ELMOD1: variants seen among roughly 807,000 people sequenced by gnomAD.
ELMOD1 encodes ELMO domain-containing protein 1.
A neutral mutation model predicts 46.7 loss-of-function variants in ELMOD1; 21 were observed. The observed-to-expected ratio is 0.45, with a 90% CI of 0.32 to 0.65. ELMOD1 has a LOEUF of 0.65. Ranked by LOEUF, ELMOD1 falls within the 30% of genes least tolerant of loss-of-function variation. The pLI is 0.04. For synonymous variants in ELMOD1, 122 were observed against 138.2 expected, an observed-to-expected ratio of 0.88 and a Z score of 0.82; for missense variants, 348 against 407.8, an observed-to-expected ratio of 0.85 and a Z score of 1.26.
chr11:107,610,662 A>T (rs1200485080), intron 1 of ELMOD1, among the ~76,000 whole-genome samples: 2 of 134,142 alleles, frequency 1.5e-5, no homozygotes, highest in Non-Finnish European at 1.6e-5. Flanking sequence ...GATCCTATCT[A>T]AAAAAAAAAA....
intron 5 of ELMOD1, among the ~76,000 whole-genome samples, chr11:107,631,977 CTA>C (rs765517522): frequency 1.1e-4 from 17 of 152,266 alleles, no homozygotes; most frequent in Middle Eastern, 3.4e-3. Context: ...TATCTGATGC[CTA>C]TGTTTTACGC....
chr11:107,649,237 C>T (rs1241307583), intron 7 of ELMOD1, among the ~76,000 whole-genome samples: 1 of 152,086 alleles, frequency 6.6e-6, no homozygotes, highest in Non-Finnish European at 1.5e-5. Context: ...CCTCAGTTCA[C>T]AAGTTGAAAG....
At chr11:107,602,579 C>T (rs1165126959) in intron 1 of ELMOD1, among the ~76,000 whole-genome samples, 1 of 151,952 alleles carries the variant, frequency 6.6e-6, no homozygotes, top group East Asian at 1.9e-4. Context: ...ATAAAATTTC[C>T]AAGAACATTT....
At chr11:107,633,981 G>A (rs569376594) in intron 5 of ELMOD1, among the ~76,000 whole-genome samples, 4 of 152,184 alleles carry the variant, frequency 2.6e-5, no homozygotes, top group East Asian at 1.9e-4. Context: ...TGTCCTGTAC[G>A]TTTGGAGCAG....
At chr11:107,612,808 A>G (rs1813604078) in intron 1 of ELMOD1, among the ~76,000 whole-genome samples, 1 of 152,218 alleles carries the variant, frequency 6.6e-6, no homozygotes, top group African/African-American at 2.4e-5. Context: ...TTCATTTTCT[A>G]TATAAAACAT....
At chr11:107,613,615 TATTTC>T (rs1476268407) in intron 1 of ELMOD1, among the ~76,000 whole-genome samples, 1 of 152,218 alleles carries the variant, frequency 6.6e-6, no homozygotes, top group East Asian at 1.9e-4. Flanking sequence ...GTTAAAGTAT[TATTTC>T]ACTTATCTCA....
At chr11:107,610,239 T>C (rs1438210737) in intron 1 of ELMOD1, among the ~76,000 whole-genome samples, 1 of 152,212 alleles carries the variant, frequency 6.6e-6, no homozygotes, top group Non-Finnish European at 1.5e-5. Context: ...TTGGGAAGGT[T>C]CAGCACAGAG....
intron 11 of ELMOD1, among the ~76,000 whole-genome samples, chr11:107,658,813 T>C (rs888832895): frequency 2.0e-5 from 3 of 152,184 alleles, no homozygotes; most frequent in Admixed American, 2.0e-4. Flanking sequence ...CGCACGCCTG[T>C]AAGCCCAGCT....
chr11:107,649,727 A>G (rs1866493218), intron 7 of ELMOD1, among the ~76,000 whole-genome samples: 1 of 152,188 alleles, frequency 6.6e-6, no homozygotes, highest in Non-Finnish European at 1.5e-5. Flanking sequence ...TAAATAATAT[A>G]TGCTATTGTT....
At chr11:107,631,319 G>A (rs920700548) in intron 4 of ELMOD1, among the ~76,000 whole-genome samples, 6 of 151,354 alleles carry the variant, frequency 4.0e-5, no homozygotes, top group African/African-American at 1.5e-4. Flanking sequence ...TAGGTAGCTT[G>A]AAACAGGAAA....
rs1865518778 is a variant in ELMOD1, at chr11:107,597,805, T to TG, written c.-86+6396_-86+6397insG. Among the ~76,000 whole-genome samples the TG allele has an allele frequency of 3.9e-5, 6 of 152,314 alleles. No individual in the cohort carries two copies. The South Asian group carries it at 1.2e-3, about 32-fold the overall frequency. On this transcript the variant is annotated intron_variant, in intron 1 of 11. Transcript: ENST00000265840. ...CTCTGTAACTAGCACTAGGTTAAAT[T>TG]AAAGAGCCTGTTTCCAGGTATTCTT...
In ELMOD1 at chr11:107,618,868, G is replaced by C. The variant is rs1215745748; in HGVS notation, c.17+662G>C. On this transcript the variant is annotated intron_variant, in intron 2 of 11. Coordinates refer to ENST00000265840, the MANE Select transcript of ELMOD1 (RefSeq NM_018712.4). ...GACTGTCATTCAGTTGTCTATTAATGGAATTCCCAGATAAATTTTGCATAA... is the reference window on the plus strand; with the variant it reads ...GACTGTCATTCAGTTGTCTATTAATCGAATTCCCAGATAAATTTTGCATAA... 4.6e-5 allele frequency among the ~76,000 whole-genome samples: 7 copies of C among 152,220 alleles called. No individual in the cohort carries two copies. The East Asian group carries it at 1.3e-3, about 29-fold the overall frequency.
rs115247528 is a variant in ELMOD1, at chr11:107,627,776, T to A, written c.18-2641T>A. ...AATAGGAAGAATACAGAGACACTCC[T>A]TGAACGATCATAAGGGTCGTCCTCT... On this transcript the variant is annotated intron_variant, in intron 2 of 11. Transcript: ENST00000265840. Among the ~76,000 whole-genome samples the A allele has an allele frequency of 2.7e-3, 414 of 152,330 alleles. 5 individuals carry two copies. The highest frequency in any genetic ancestry group is 9.5e-3 in the African/African-American group (393 of 41,586).
intron 1 of ELMOD1, chr11:107,592,590 C>T: frequency 3.6e-6 from 1 of 274,192 alleles, no homozygotes; most frequent in Non-Finnish European, 7.9e-6. Context: ...TTCCCTCCCC[C>T]AGAAGTTTTC....
chr11:107,632,307 G>A (rs1866154563), intron 5 of ELMOD1, among the ~76,000 whole-genome samples: 1 of 152,144 alleles, frequency 6.6e-6, no homozygotes, highest in African/African-American at 2.4e-5. Flanking sequence ...GAGGACACTG[G>A]GTAGAATAAA....
At chr11:107,635,867 A>G (rs1033736950) in intron 6 of ELMOD1, 102 bp downstream of exon 6, 14 of 1,252,930 alleles carry the variant, frequency 1.1e-5, no homozygotes, top group African/African-American at 1.5e-5. Flanking sequence ...GGGTACAAAG[A>G]TGGATCAGAC....
intron 11 of ELMOD1, among the ~76,000 whole-genome samples, chr11:107,664,071 G>A (rs1299243034): frequency 1.3e-5 from 2 of 151,972 alleles, no homozygotes; most frequent in Admixed American, 6.6e-5. Context: ...TTGCAGCCTC[G>A]ACCTCCTGAG....
At chr11:107,664,500 G>A (rs1482385649) in intron 11 of ELMOD1, among the ~76,000 whole-genome samples, 2 of 152,192 alleles carry the variant, frequency 1.3e-5, no homozygotes, top group Non-Finnish European at 2.9e-5. Context: ...ACAATTTCAT[G>A]TGGTTTAACG....
At chr11:107,656,544 A>C (rs1223437241) in intron 11 of ELMOD1, among the ~76,000 whole-genome samples, 1 of 151,604 alleles carries the variant, frequency 6.6e-6, no homozygotes, top group African/African-American at 2.4e-5. Flanking sequence ...ACAAGGGTCA[A>C]AGCTGAGAGA....
Sources: allele counts gnomAD v4.1 joint callset (sites outside exome capture counted in the v4.1 genomes callset), GRCh38; gene constraint gnomAD v4.1.1; transcripts MANE v1.5; gene names NCBI Gene and HGNC (gene_info 2026-07-23, HGNC 2026-07-21).